The following COX7B2 variants were observed in gnomAD, a reference collection of about 807,000 sequenced individuals.
The protein encoded by COX7B2 is cytochrome c oxidase subunit 7B2, mitochondrial.
For synonymous variants in COX7B2, 37 were observed against 32.1 expected (o/e 1.15, Z -0.51); for missense variants, 109 against 95.9 (o/e 1.14, Z -0.57).
chr4:46,842,349 A>G (rs1715983137), intron 2 of COX7B2, among the ~76,000 whole-genome samples: 1 of 152,008 alleles, frequency 6.6e-6, no homozygotes, highest in South Asian at 2.1e-4. Context: ...GTAGACATGA[A>G]TAAGCATGAT....
At chr4:46,801,772 T>C (rs973098151) in intron 2 of COX7B2, among the ~76,000 whole-genome samples, 1 of 152,160 alleles carries the variant, frequency 6.6e-6, no homozygotes, top group Non-Finnish European at 1.5e-5. Context: ...AAAAGAAATA[T>C]TCCAATACTT....
chr4:46,756,016 C>T (rs767915746), intron 2 of COX7B2, among the ~76,000 whole-genome samples: 1 of 151,866 alleles, frequency 6.6e-6, no homozygotes, highest in South Asian at 2.1e-4. Context: ...AAATCCTAAC[C>T]AAAAAGAACA....
At chr4:46,822,287 C>G (rs1714353784) in intron 2 of COX7B2, among the ~76,000 whole-genome samples, 1 of 151,962 alleles carries the variant, frequency 6.6e-6, no homozygotes, top group South Asian at 2.1e-4. Context: ...AAATCACTTC[C>G]ACAAAACTAA....
At chr4:46,816,679 A>G (rs1719570482) in intron 2 of COX7B2, among the ~76,000 whole-genome samples, 1 of 152,232 alleles carries the variant, frequency 6.6e-6, no homozygotes, top group Non-Finnish European at 1.5e-5. Context: ...TTCCACAGGC[A>G]GAAAAACAAT....
chr4:46,843,347 G>T (rs1161586390), intron 2 of COX7B2, among the ~76,000 whole-genome samples: 2 of 152,010 alleles, frequency 1.3e-5, no homozygotes, highest in Non-Finnish European at 2.9e-5. Context: ...ACATATTAAT[G>T]TAAAGAATGT....
chr4:46,775,625 A>C (rs1717114509), intron 2 of COX7B2, among the ~76,000 whole-genome samples: 1 of 152,086 alleles, frequency 6.6e-6, no homozygotes, highest in African/African-American at 2.4e-5. Flanking sequence ...TTTTCTCCAC[A>C]ATATAAAACC....
intron 2 of COX7B2, among the ~76,000 whole-genome samples, chr4:46,760,039 C>T (rs1234252884): frequency 6.6e-6 from 1 of 151,910 alleles, no homozygotes; most frequent in South Asian, 2.1e-4. Context: ...GCTCTTTCAC[C>T]AGCCCTGGGA....
intron 1 of COX7B2, among the ~76,000 whole-genome samples, chr4:46,878,631 G>C (rs1718503010): frequency 6.6e-6 from 1 of 152,100 alleles, no homozygotes; most frequent in African/African-American, 2.4e-5. Context: ...AAAGAGTCCA[G>C]GGAAAATATG....
chr4:46,896,183 T>C (rs1325398200), intron 1 of COX7B2, among the ~76,000 whole-genome samples: 2 of 152,206 alleles, frequency 1.3e-5, no homozygotes, highest in Non-Finnish European at 2.9e-5. Context: ...TATTTTATTC[T>C]TACCTTTGCA....
chr4:46,793,588 T>C (rs889099865), intron 2 of COX7B2, among the ~76,000 whole-genome samples: 1 of 152,178 alleles, frequency 6.6e-6, no homozygotes, highest in Non-Finnish European at 1.5e-5. Flanking sequence ...AAGGATGAGC[T>C]CACGGATTCA....
intron 1 of COX7B2, among the ~76,000 whole-genome samples, chr4:46,879,343 G>A (rs1216291143): frequency 2.0e-5 from 3 of 150,960 alleles, no homozygotes; most frequent in African/African-American, 4.9e-5. Flanking sequence ...TTTGAGACAC[G>A]GTCTCACACT....
intron 2 of COX7B2, among the ~76,000 whole-genome samples, chr4:46,769,128 T>C (rs936354014): frequency 6.6e-6 from 1 of 151,934 alleles, no homozygotes; most frequent in Non-Finnish European, 1.5e-5. Flanking sequence ...TAAAGTATAA[T>C]AATAATAAAA....
At chr4:46,857,274 G>A (rs1717060038) in intron 1 of COX7B2, among the ~76,000 whole-genome samples, 1 of 152,208 alleles carries the variant, frequency 6.6e-6, no homozygotes, top group Admixed American at 6.5e-5. Context: ...TGGCTCTTGT[G>A]AGAATAGAAT....
At chr4:46,849,557 A>T (rs574411641) in intron 1 of COX7B2, among the ~76,000 whole-genome samples, 2 of 152,210 alleles carry the variant, frequency 1.3e-5, no homozygotes, top group Non-Finnish European at 2.9e-5. Flanking sequence ...GGTGGCTTGC[A>T]TGAAAATGGA....
At chr4:46,834,837 T>C (rs1360126150) in intron 2 of COX7B2, among the ~76,000 whole-genome samples, 3 of 151,830 alleles carry the variant, frequency 2.0e-5, no homozygotes, top group African/African-American at 4.8e-5. Context: ...CATTAAAAAA[T>C]AATGAATGAC....
intron 1 of COX7B2, among the ~76,000 whole-genome samples, chr4:46,849,089 A>G (rs1214010616): frequency 6.6e-6 from 1 of 152,038 alleles, no homozygotes; most frequent in Non-Finnish European, 1.5e-5. Context: ...TTAAATCCAT[A>G]GTTATTTGAA....
At chr4:46,866,216 G>A (rs1187859593) in intron 1 of COX7B2, among the ~76,000 whole-genome samples, 1 of 152,224 alleles carries the variant, frequency 6.6e-6, no homozygotes, top group Non-Finnish European at 1.5e-5. Flanking sequence ...GAAGACGGAA[G>A]TATCCCCCCT....
chr4:46,754,482 A>G (rs1429779841), intron 2 of COX7B2, among the ~76,000 whole-genome samples: 1 of 130,982 alleles, frequency 7.6e-6, no homozygotes, highest in African/African-American at 2.9e-5. Context: ...CAAACACTGC[A>G]TGTTCTCACT....
chr4:46,765,232 C>A (rs753048673), intron 2 of COX7B2, among the ~76,000 whole-genome samples: 2 of 152,066 alleles, frequency 1.3e-5, no homozygotes, highest in Non-Finnish European at 2.9e-5. Flanking sequence ...TAAGAAAAGA[C>A]GCACTGAAGA....
Sources: allele counts gnomAD v4.1 joint callset (sites outside exome capture counted in the v4.1 genomes callset), GRCh38; gene constraint gnomAD v4.1.1; transcripts MANE v1.5; gene names NCBI Gene and HGNC (gene_info 2026-07-23, HGNC 2026-07-21).